ENTREP2: variants seen among roughly 807,000 people sequenced by gnomAD.
The protein encoded by ENTREP2 is endosomal transmembrane epsin interactor 2.
chr15:29,294,938 G>A, the ENTREP2 span, among the ~76,000 whole-genome samples: 78 of 152,272 alleles, frequency 5.1e-4, no homozygotes, highest in Middle Eastern at 3.4e-3. Context: ...GCTCCAAGCC[G>A]CCAGTCTCCT....
chr15:29,155,102 G>A, the ENTREP2 span, among the ~76,000 whole-genome samples: 1 of 148,372 alleles, frequency 6.7e-6, no homozygotes, highest in Non-Finnish European at 1.5e-5. Flanking sequence ...CTAACACGGT[G>A]AAACCCCGTC....
At chr15:29,489,716 AAGG>A in the ENTREP2 span, among the ~76,000 whole-genome samples, 2 of 152,168 alleles carry the variant, frequency 1.3e-5, no homozygotes, top group Non-Finnish European at 2.9e-5. Context: ...CAGCTCTATG[AAGG>A]AGAACTTAAC....
chr15:29,448,635 C>T, the ENTREP2 span, among the ~76,000 whole-genome samples: 2 of 152,120 alleles, frequency 1.3e-5, no homozygotes, highest in East Asian at 1.9e-4. Flanking sequence ...AAGAACAAAT[C>T]GAGACGAACC....
chr15:29,421,716 T>C, the ENTREP2 span, among the ~76,000 whole-genome samples: 1 of 152,224 alleles, frequency 6.6e-6, no homozygotes, highest in African/African-American at 2.4e-5. Context: ...CAGCTGATCA[T>C]TTTACATTTA....
At chr15:29,607,480 T>G in the ENTREP2 span, among the ~76,000 whole-genome samples, 1 of 152,160 alleles carries the variant, frequency 6.6e-6, no homozygotes, top group Non-Finnish European at 1.5e-5. Flanking sequence ...TTAGTTCTAC[T>G]TTTTTCCTGA....
the ENTREP2 span, among the ~76,000 whole-genome samples, chr15:29,348,255 G>C: frequency 6.6e-6 from 1 of 152,192 alleles, no homozygotes; most frequent in South Asian, 2.1e-4. Context: ...ATTTCACACA[G>C]TGAGAGGGCA....
the ENTREP2 span, among the ~76,000 whole-genome samples, chr15:29,207,351 G>A: frequency 3.4e-3 from 501 of 147,672 alleles, 5 homozygotes; most frequent in South Asian, 8.8e-3. Flanking sequence ...AGCTCTTAAA[G>A]ATTGCACGAA....
the ENTREP2 span, among the ~76,000 whole-genome samples, chr15:29,619,646 G>T: frequency 1.1e-4 from 16 of 152,154 alleles, 1 homozygote; most frequent in African/African-American, 3.9e-4. Flanking sequence ...CATTGCAGTA[G>T]TGGACAAATG....
the ENTREP2 span, among the ~76,000 whole-genome samples, chr15:29,607,296 CTTCAT>C: frequency 1.4e-5 from 2 of 143,328 alleles, no homozygotes; most frequent in Admixed American, 6.8e-5. Context: ...ATCCTTCTCT[CTTCAT>C]TTCTTTTTTT....
the ENTREP2 span, among the ~76,000 whole-genome samples, chr15:29,475,772 C>T: frequency 6.6e-6 from 1 of 152,192 alleles, no homozygotes; most frequent in Non-Finnish European, 1.5e-5. Flanking sequence ...CTGATGCCAG[C>T]CCTAATGTCC....
chr15:29,541,694 T>C, the ENTREP2 span, among the ~76,000 whole-genome samples: 3 of 151,932 alleles, frequency 2.0e-5, no homozygotes, highest in Non-Finnish European at 4.4e-5. Flanking sequence ...ATGCTTAAAA[T>C]GGGAGGGAAC....
At chr15:29,241,142 T>C in the ENTREP2 span, among the ~76,000 whole-genome samples, 1 of 152,230 alleles carries the variant, frequency 6.6e-6, no homozygotes, top group African/African-American at 2.4e-5. Flanking sequence ...AATTAGTGCC[T>C]GACTATATCT....
At chr15:29,178,968 C>T in the ENTREP2 span, among the ~76,000 whole-genome samples, 2 of 152,154 alleles carry the variant, frequency 1.3e-5, no homozygotes, top group South Asian at 2.1e-4. Context: ...TGATACTGAG[C>T]TATAAACTAG....
the ENTREP2 span, among the ~76,000 whole-genome samples, chr15:29,129,759 C>T: frequency 9.2e-5 from 14 of 152,288 alleles, no homozygotes; most frequent in African/African-American, 1.7e-4. Context: ...GCCCATTCTG[C>T]GTGGGCCATG....
chr15:29,643,973 A>G, the ENTREP2 span, among the ~76,000 whole-genome samples: 1 of 152,154 alleles, frequency 6.6e-6, no homozygotes, highest in African/African-American at 2.4e-5. Flanking sequence ...ATGCCTGCAT[A>G]AAAGCTTGTA....
At chr15:29,327,635 C>T in the ENTREP2 span, among the ~76,000 whole-genome samples, 1 of 150,638 alleles carries the variant, frequency 6.6e-6, no homozygotes, top group African/African-American at 2.4e-5. Flanking sequence ...GAACAAACAT[C>T]ACCAAAGAAG....
chr15:29,139,371 G>A, the ENTREP2 span, among the ~76,000 whole-genome samples: 2,147 of 152,330 alleles, frequency 0.014, 47 homozygotes, highest in African/African-American at 0.05. Flanking sequence ...ACGCATGTGC[G>A]TCTGTGGTCC....
At chr15:29,159,768 C>T in the ENTREP2 span, among the ~76,000 whole-genome samples, 1 of 152,190 alleles carries the variant, frequency 6.6e-6, no homozygotes, top group Admixed American at 6.5e-5. Flanking sequence ...TGTTTACAAA[C>T]CTTGAGCTAG....
At chr15:29,344,927 CGCAG>C in the ENTREP2 span, among the ~76,000 whole-genome samples, 2 of 128,030 alleles carry the variant, frequency 1.6e-5, no homozygotes, top group East Asian at 4.4e-4. Context: ...CACGCACGCG[CGCAG>C]ACACACACAC....
Sources: allele counts gnomAD v4.1 joint callset (sites outside exome capture counted in the v4.1 genomes callset), GRCh38; gene constraint gnomAD v4.1.1; transcripts MANE v1.5; gene names NCBI Gene and HGNC (gene_info 2026-07-23, HGNC 2026-07-21).